PRKN: variants seen among roughly 807,000 people sequenced by gnomAD.
PRKN encodes E3 ubiquitin-protein ligase parkin.
In PRKN, 56 loss-of-function variants were observed where a neutral mutation model predicts 59.5. That is an observed-to-expected ratio of 0.94 (90% CI 0.76 to 1.18). The LOEUF (loss-of-function observed/expected upper bound fraction) is 1.18, where lower values mean the gene tolerates loss of function less well. Among genes scored for constraint, PRKN ranks in the 50% most tolerant of loss-of-function variants. The pLI, the probability that PRKN is intolerant of heterozygous loss-of-function variation, is 0.00. For synonymous variants in PRKN, 250 were observed against 222.1 expected (o/e 1.13, Z -1.12); for missense variants, 657 against 596.4 (o/e 1.10, Z -1.06).
intron 1 of PRKN, among the ~76,000 whole-genome samples, chr6:162,553,478 G>A (rs1012546259): frequency 6.7e-6 from 1 of 149,690 alleles, no homozygotes; most frequent in African/African-American, 2.5e-5. Flanking sequence ...GTACTGACAA[G>A]GAGGGAAGAG....
chr6:161,380,649 T>C (rs542355882), intron 10 of PRKN, among the ~76,000 whole-genome samples: 2 of 152,242 alleles, frequency 1.3e-5, no homozygotes, highest in African/African-American at 4.8e-5. Context: ...TTTCCACTAA[T>C]TATAAGAAAT....
intron 7 of PRKN, among the ~76,000 whole-genome samples, chr6:161,598,479 A>G (rs1781995351): frequency 6.6e-6 from 1 of 152,238 alleles, no homozygotes; most frequent in Non-Finnish European, 1.5e-5. Context: ...TTAAGCATTC[A>G]TTCTGCATTT....
chr6:162,386,698 G>A (rs572013490), intron 2 of PRKN, among the ~76,000 whole-genome samples: 5 of 152,338 alleles, frequency 3.3e-5, no homozygotes, highest in South Asian at 2.1e-4. Flanking sequence ...ACATATGTGC[G>A]TGTATGCATG....
intron 7 of PRKN, among the ~76,000 whole-genome samples, chr6:161,670,333 C>T (rs187516090): frequency 7.9e-5 from 12 of 152,186 alleles, no homozygotes; most frequent in East Asian, 5.8e-4. Context: ...AGTTCTGGAG[C>T]GGGTGTTGGT....
chr6:162,179,994 G>A (rs976766755), intron 4 of PRKN, among the ~76,000 whole-genome samples: 8 of 151,144 alleles, frequency 5.3e-5, no homozygotes, highest in African/African-American at 1.9e-4. Context: ...GTGTGTGTGT[G>A]TGTGTGTGTG....
In PRKN at chr6:162,425,967, C is replaced by T. The variant is rs537775436; in HGVS notation, c.171+17343G>A. ...AGATTTGAAATGATTTCTAAAGCTGCAAGAGAGAAACAGATTACCTCCAAA... is the reference window on the plus strand; with the variant it reads ...AGATTTGAAATGATTTCTAAAGCTGTAAGAGAGAAACAGATTACCTCCAAA... On this transcript the variant is annotated intron_variant, in intron 2 of 11. Coordinates refer to ENST00000366898, the MANE Select transcript of PRKN (RefSeq NM_004562.3). Among the ~76,000 whole-genome samples, 5 of 152,278 alleles carry T rather than the reference C, an allele frequency of 3.3e-5. No homozygotes were observed. In the South Asian group the frequency reaches 8.3e-4, roughly 25 times the overall value.
At chr6:162,544,905 G>A (rs1779059648) in intron 1 of PRKN, among the ~76,000 whole-genome samples, 1 of 150,010 alleles carries the variant, frequency 6.7e-6, no homozygotes, top group South Asian at 2.1e-4. Flanking sequence ...TCCAACTCCT[G>A]ACCTCAGGTG....
intron 7 of PRKN, among the ~76,000 whole-genome samples, chr6:161,778,473 T>C (rs182310258): frequency 1.3e-5 from 2 of 152,270 alleles, no homozygotes; most frequent in Admixed American, 1.3e-4. Context: ...AAATAAATCT[T>C]GCTTTAATTT....
At chr6:161,522,040 G>T (rs59341317) in intron 9 of PRKN, among the ~76,000 whole-genome samples, 12,854 of 152,148 alleles carry the variant, frequency 0.084, 628 homozygotes, top group African/African-American at 0.14. Context: ...TGGCAGAACG[G>T]ATGTGGACGG....
chr6:161,695,143 G>T (rs1256811749), intron 7 of PRKN, among the ~76,000 whole-genome samples: 1 of 152,112 alleles, frequency 6.6e-6, no homozygotes, highest in Non-Finnish European at 1.5e-5. Flanking sequence ...ACACGGTTTT[G>T]CCTAATGACT....
chr6:162,503,728 A>G (rs1377821485), intron 1 of PRKN, among the ~76,000 whole-genome samples: 1 of 152,152 alleles, frequency 6.6e-6, no homozygotes, highest in East Asian at 1.9e-4. Flanking sequence ...AAATACCTAC[A>G]ATGTGAATGT....
chr6:162,720,932 T>C (rs1778919882), intron 1 of PRKN, among the ~76,000 whole-genome samples: 1 of 152,126 alleles, frequency 6.6e-6, no homozygotes, highest in African/African-American at 2.4e-5. Context: ...AAGAAGGAGA[T>C]ACAAACTATT....
intron 1 of PRKN, among the ~76,000 whole-genome samples, chr6:162,581,411 T>C (rs1562405545): frequency 1.3e-5 from 2 of 152,360 alleles, no homozygotes; most frequent in Non-Finnish European, 2.9e-5. Flanking sequence ...CAATTTCTAA[T>C]TTTCCCATGG....
At chr6:162,471,657 A>G (rs1366730910) in intron 1 of PRKN, among the ~76,000 whole-genome samples, 2 of 152,246 alleles carry the variant, frequency 1.3e-5, no homozygotes, top group Admixed American at 1.3e-4. Context: ...AGTAAACATT[A>G]TAAGTGTTCA....
intron 2 of PRKN, among the ~76,000 whole-genome samples, chr6:162,310,449 G>T (rs1439616313): frequency 6.6e-6 from 1 of 152,110 alleles, no homozygotes; most frequent in Admixed American, 6.5e-5. Flanking sequence ...AGGAAAGCAG[G>T]CGGCCTGCAG....
intron 6 of PRKN, among the ~76,000 whole-genome samples, chr6:161,907,685 A>G (rs1778199473): frequency 6.6e-6 from 1 of 152,206 alleles, no homozygotes; most frequent in South Asian, 2.1e-4. Flanking sequence ...GTGAGCCAGG[A>G]TGGTCTGTAG....
At chr6:161,710,869 T>C (rs1786716052) in intron 7 of PRKN, among the ~76,000 whole-genome samples, 6 of 52,628 alleles carry the variant, frequency 1.1e-4, no homozygotes, top group Admixed American at 6.8e-4. Flanking sequence ...TTCCCTTTCC[T>C]TCCTTCCTTC....
At position 161,547,180 on chromosome 6, in the gene PRKN, C is replaced by G. The variant is rs1210127797; in HGVS notation, c.1083+1674G>C. 6.6e-6 allele frequency among the ~76,000 whole-genome samples: 1 copy of G among 152,132 alleles called. No homozygotes were observed. The highest frequency in any genetic ancestry group is 1.5e-5 in the Non-Finnish European group (1 of 68,026). ...CTAATACACAAACCAACAAACACAC[C>G]TCCAAAACCAACAAATCGAAACAAA... is the stretch of plus-strand genomic sequence containing the variant. On this transcript the variant is annotated intron_variant, in intron 9 of 11. Coordinates refer to ENST00000366898, the MANE Select transcript of PRKN (RefSeq NM_004562.3). The surrounding 1 kb of genome is among the most constrained non-coding windows in gnomAD (Gnocchi z 4.0).
At chr6:162,163,092 T>C (rs1782828580) in intron 4 of PRKN, among the ~76,000 whole-genome samples, 1 of 149,350 alleles carries the variant, frequency 6.7e-6, no homozygotes, top group Non-Finnish European at 1.5e-5. Flanking sequence ...ATCTATCATT[T>C]TGCAAGCTGA....
Sources: gnomAD v4.1 joint callset for allele counts (sites outside exome capture counted in the v4.1 genomes callset) on GRCh38, gnomAD v4.1.1 for gene constraint, Gnocchi (gnomAD v3.1) non-coding constraint, MANE v1.5 for transcripts, NCBI Gene and HGNC (gene_info 2026-07-23, HGNC 2026-07-21) for gene names.